The following COL28A1 variants were observed in gnomAD, a reference collection of about 807,000 sequenced individuals.
The protein encoded by COL28A1 is collagen alpha-1(XXVIII) chain.
In COL28A1, 161 loss-of-function variants were observed where a neutral mutation model predicts 150.2. The observed-to-expected ratio is 1.07, with a 90% CI of 0.94 to 1.22. The LOEUF is 1.22. Among genes scored for constraint, COL28A1 ranks in the 50% most tolerant of loss-of-function variants. COL28A1 has a pLI of 0.00. For synonymous variants in COL28A1, 552 were observed against 469.7 expected (o/e 1.18, Z -2.26); for missense variants, 1,617 against 1,388.3 (o/e 1.16, Z -2.62).
intron 27 of COL28A1, among the ~76,000 whole-genome samples, chr7:7,402,652 T>A (rs1049601814): frequency 1.4e-4 from 22 of 152,198 alleles, no homozygotes; most frequent in African/African-American, 5.3e-4. Flanking sequence ...TTATCTTTTA[T>A]AAAGTAAAGG....
At chr7:7,477,692 T>C (rs908203612) in intron 13 of COL28A1, among the ~76,000 whole-genome samples, 7 of 152,164 alleles carry the variant, frequency 4.6e-5, no homozygotes, top group Non-Finnish European at 8.8e-5. Flanking sequence ...TTACAGCTCA[T>C]ATAGGCAGTG....
intron 11 of COL28A1, among the ~76,000 whole-genome samples, chr7:7,497,998 C>G (rs1203890377): frequency 6.6e-6 from 1 of 152,102 alleles, no homozygotes; most frequent in East Asian, 1.9e-4. Context: ...CTTGTGCTTT[C>G]TAAAGCAGAA....
At chr7:7,540,061 AG>A (rs200169947), upstream of COL28A1, among the ~76,000 whole-genome samples, 19,920 of 152,216 alleles carry the variant, frequency 0.13, 1,440 homozygotes, top group East Asian at 0.22. Context: ...CAATTATTTT[AG>A]ACCAAAAATA....
intron 21 of COL28A1, among the ~76,000 whole-genome samples, chr7:7,438,619 A>AT (rs1785522809): frequency 2.0e-5 from 3 of 152,372 alleles, no homozygotes; most frequent in Admixed American, 1.3e-4. Context: ...TAAAGAAAAT[A>AT]TTACAACTTG....
At chr7:7,403,251 G>T (rs1206653342) in intron 27 of COL28A1, among the ~76,000 whole-genome samples, 3 of 152,102 alleles carry the variant, frequency 2.0e-5, no homozygotes, top group South Asian at 4.1e-4. Flanking sequence ...AGCTTTCACG[G>T]GGAAGTGAAA....
intron 9 of COL28A1, among the ~76,000 whole-genome samples, chr7:7,508,400 T>C (rs1780940849): frequency 6.6e-6 from 1 of 152,148 alleles, no homozygotes; most frequent in South Asian, 2.1e-4. Context: ...TCTGATTCAC[T>C]CCTAAGAATA....
At chr7:7,422,278 T>C (rs1055929696) in intron 25 of COL28A1, among the ~76,000 whole-genome samples, 3 of 152,120 alleles carry the variant, frequency 2.0e-5, no homozygotes, top group Admixed American at 6.6e-5. Flanking sequence ...ATTTGGTGGC[T>C]TCCTCTCATT....
intron 25 of COL28A1, among the ~76,000 whole-genome samples, chr7:7,426,707 C>T (rs1244432673): frequency 6.6e-6 from 1 of 152,144 alleles, no homozygotes; most frequent in African/African-American, 2.4e-5. Flanking sequence ...CTTTAATATT[C>T]ACCCCAAAAC....
rs939210956 is a variant in COL28A1 at position 7,443,575 on chromosome 7, A to T, written c.1650+10T>A. 7 of 1,613,996 alleles carry T rather than the reference A, an allele frequency of 4.3e-6. No individual in the cohort carries two copies. Among genetic ancestry groups the T allele is most frequent in the South Asian group, 2.2e-5 (2 of 91,064 alleles). On this transcript the variant is annotated intron_variant, in intron 20 of 34. Coordinates refer to ENST00000399429, the MANE Select transcript of COL28A1 (RefSeq NM_001037763.3). The stretch of plus-strand genomic sequence containing the variant: ...ACAGGCTGCTTCCACCAACACTGTC[A>T]TTTCCATACCTTGGGGCCAGGCTGT...
At chr7:7,378,276 T>C (rs890252851) in intron 30 of COL28A1, among the ~76,000 whole-genome samples, 3 of 152,184 alleles carry the variant, frequency 2.0e-5, no homozygotes, top group African/African-American at 7.2e-5. Context: ...GATAAACACA[T>C]TCTTTCTGCT....
At chr7:7,483,436 T>G (rs1393971877) in intron 13 of COL28A1, among the ~76,000 whole-genome samples, 4 of 152,166 alleles carry the variant, frequency 2.6e-5, no homozygotes, top group South Asian at 2.1e-4. Context: ...CTGCTTGGCT[T>G]GGGCTCATAA....
chr7:7,410,746 C>G (rs1047994101), intron 27 of COL28A1, among the ~76,000 whole-genome samples: 2 of 151,678 alleles, frequency 1.3e-5, no homozygotes, highest in Non-Finnish European at 2.9e-5. Context: ...GTGTGTTGCT[C>G]TCTTCATAAT....
At chr7:7,389,615 C>T (rs182512600) in intron 27 of COL28A1, among the ~76,000 whole-genome samples, 3 of 152,288 alleles carry the variant, frequency 2.0e-5, no homozygotes, top group Non-Finnish European at 2.9e-5. Flanking sequence ...AATATTGATT[C>T]TTCCTGTCCA....
At chr7:7,425,878 C>T (rs1042444520) in intron 25 of COL28A1, among the ~76,000 whole-genome samples, 1 of 152,060 alleles carries the variant, frequency 6.6e-6, no homozygotes, top group Non-Finnish European at 1.5e-5. Context: ...AGGAAACAAC[C>T]CATTATACCT....
chr7:7,415,569 T>C (rs897000034), intron 27 of COL28A1, among the ~76,000 whole-genome samples: 4 of 152,336 alleles, frequency 2.6e-5, no homozygotes, highest in African/African-American at 7.2e-5. Context: ...AGTCTAACTC[T>C]GTTGCCCAGG....
chr7:7,428,564 T>G (rs1210607524), intron 25 of COL28A1, among the ~76,000 whole-genome samples: 1 of 152,214 alleles, frequency 6.6e-6, no homozygotes, highest in African/African-American at 2.4e-5. Context: ...ATGAGACGTA[T>G]GGCATGTTTG....
chr7:7,381,943 C>T (rs1328775126), intron 27 of COL28A1, among the ~76,000 whole-genome samples: 2 of 152,138 alleles, frequency 1.3e-5, no homozygotes, highest in African/African-American at 4.8e-5. Context: ...CAGATAGCTG[C>T]TATTTCAGCT....
chr7:7,460,528 C>T (rs190039631), intron 15 of COL28A1, among the ~76,000 whole-genome samples: 6 of 152,166 alleles, frequency 3.9e-5, no homozygotes, highest in Middle Eastern at 3.4e-3. Context: ...GGACTACAGG[C>T]GCCTGCCACC....
At chr7:7,487,138 A>G (rs775470914) in intron 13 of COL28A1, among the ~76,000 whole-genome samples, 1 of 151,046 alleles carries the variant, frequency 6.6e-6, no homozygotes, top group Non-Finnish European at 1.5e-5. Flanking sequence ...CAATATGCTT[A>G]AAATATTTCA....
Sources: gnomAD v4.1 joint callset for allele counts (sites outside exome capture counted in the v4.1 genomes callset) on GRCh38, gnomAD v4.1.1 for gene constraint, MANE v1.5 for transcripts, NCBI Gene and HGNC (gene_info 2026-07-23, HGNC 2026-07-21) for gene names.